Variants in RSPRY1 observed in about 807,000 individuals in gnomAD.
RSPRY1 encodes the protein RING finger and SPRY domain-containing protein 1.
RSPRY1 carries 23 observed loss-of-function variants against 73.1 expected under a neutral mutation model. That is an observed-to-expected ratio of 0.31 (90% CI 0.23 to 0.45). The LOEUF is 0.45. Ranked by LOEUF, RSPRY1 falls within the 20% of genes least tolerant of loss-of-function variation. The pLI is 1.00. For synonymous variants in RSPRY1, 226 were observed against 251.4 expected, an observed-to-expected ratio of 0.90 and a Z score of 0.95; for missense variants, 448 against 698.7, an observed-to-expected ratio of 0.64 and a Z score of 4.05.
intron 1 of RSPRY1, among the ~76,000 whole-genome samples, chr16:57,199,766 C>G (rs1346941267): frequency 6.6e-6 from 1 of 151,762 alleles, no homozygotes; most frequent in African/African-American, 2.4e-5. Context: ...AGAGCCAGAC[C>G]TGTCCAAAAA....
chr16:57,203,841 A>T (rs577281901), intron 1 of RSPRY1, among the ~76,000 whole-genome samples: 1 of 152,244 alleles, frequency 6.6e-6, no homozygotes, highest in Non-Finnish European at 1.5e-5. Flanking sequence ...TGAAAATACA[A>T]CTTTTGTGAT....
chr16:57,208,504 A>T (rs1393786758), intron 3 of RSPRY1, among the ~76,000 whole-genome samples: 2 of 149,392 alleles, frequency 1.3e-5, no homozygotes, highest in African/African-American at 4.9e-5. Flanking sequence ...GGCCCAGGTG[A>T]TCACCCCACC....
intron 1 of RSPRY1, among the ~76,000 whole-genome samples, chr16:57,187,290 C>T (rs2146118918): frequency 6.6e-6 from 1 of 152,272 alleles, no homozygotes; most frequent in South Asian, 2.1e-4. Flanking sequence ...ATTTGTCTCT[C>T]CTGCTGCCTC....
At chr16:57,205,085 A>G in intron 2 of RSPRY1, 77 bp downstream of exon 2, 2 of 1,105,882 alleles carry the variant, frequency 1.8e-6, no homozygotes, top group African/African-American at 3.1e-5. Flanking sequence ...GGACTCCTTC[A>G]GTTCCTTTAG....
At chr16:57,195,301 C>G (rs1267615033) in intron 1 of RSPRY1, among the ~76,000 whole-genome samples, 2 of 152,004 alleles carry the variant, frequency 1.3e-5, no homozygotes, top group Non-Finnish European at 2.9e-5. Flanking sequence ...CACCTGAGAT[C>G]AGGAGTTCAA....
intron 13 of RSPRY1, among the ~76,000 whole-genome samples, chr16:57,232,217 G>A (rs1210848762): frequency 6.6e-6 from 1 of 152,098 alleles, no homozygotes; most frequent in Non-Finnish European, 1.5e-5. Context: ...CCTAGCTCTT[G>A]TTTTGGCTCA....
chr16:57,204,992 C>T lies in RSPRY1; in HGVS notation c.334C>T (p.Arg112Trp). 3 of 1,613,144 alleles carry T rather than the reference C, an allele frequency of 1.9e-6. No homozygotes were observed. Among genetic ancestry groups the T allele is most frequent in the Non-Finnish European group, 2.5e-6 (3 of 1,179,314 alleles). The change falls in exon 2 of 15, where the codon CGG becomes TGG. Residue 112 changes from arginine (R) to tryptophan (W), a missense_variant. Transcript: ENST00000394420. ...GLVLDTLAVIRTLVDNDQEPP... is the reference protein window; with the variant it reads ...GLVLDTLAVIWTLVDNDQEPP... ...AGTGTTGGACACACTGGCAGTAATA[C>T]GGACTCTTGTAGATAAGTAAGTATC...
chr16:57,227,508 A>T, intron 11 of RSPRY1, 55 bp downstream of exon 11: 2 of 1,241,008 alleles, frequency 1.6e-6, no homozygotes, highest in Non-Finnish European at 2.4e-6. Flanking sequence ...TCTGGTTATT[A>T]TGAGGCATTT....
intron 1 of RSPRY1, among the ~76,000 whole-genome samples, chr16:57,187,549 C>G (rs1285182424): frequency 1.3e-5 from 2 of 152,150 alleles, no homozygotes; most frequent in African/African-American, 4.8e-5. Flanking sequence ...GTAAAATAAC[C>G]AGCGCAGTAT....
chr16:57,212,846 C>A, intron 4 of RSPRY1, 126 bp from the exon 5 acceptor site: 1 of 892,700 alleles, frequency 1.1e-6, no homozygotes, highest in Non-Finnish European at 1.7e-6. Context: ...AACTCTTGAC[C>A]TTGTGGTCCG....
chr16:57,222,161 G>C (rs544877889), intron 10 of RSPRY1, among the ~76,000 whole-genome samples: 2 of 151,718 alleles, frequency 1.3e-5, no homozygotes, highest in South Asian at 4.2e-4. Context: ...CTAAATAATA[G>C]CCCCCCCCTC....
intron 1 of RSPRY1, among the ~76,000 whole-genome samples, chr16:57,200,252 CAGA>C (rs2074544689): frequency 6.7e-6 from 1 of 149,728 alleles, no homozygotes; most frequent in Non-Finnish European, 1.5e-5. Flanking sequence ...GATCCCAAGG[CAGA>C]AGAATTTTTC....
intron 14 of RSPRY1, among the ~76,000 whole-genome samples, chr16:57,236,994 G>A (rs924691984): frequency 2.4e-4 from 36 of 152,014 alleles, no homozygotes; most frequent in Admixed American, 6.5e-4. Context: ...GTGAAACCCC[G>A]TCTCTACTAC....
intron 4 of RSPRY1, 33 bp downstream of exon 4, chr16:57,209,220 A>C: frequency 7.3e-7 from 1 of 1,374,234 alleles, no homozygotes; most frequent in Non-Finnish European, 1.0e-6. Flanking sequence ...TGAAACTATC[A>C]TTTGTGCTTA....
In RSPRY1 at chr16:57,221,491, A is replaced by G. The variant is rs559137802; in HGVS notation, c.1161+76A>G. ...TCCCCCTAGTTGGTGGGTGGAAAAT[A>G]CTTATTTTTCAAATAGATTTGCTCA... On this transcript the variant is annotated intron_variant, in intron 10 of 14. Coordinates refer to ENST00000394420, the MANE Select transcript of RSPRY1 (RefSeq NM_133368.3). 44 of 1,428,392 alleles carry G rather than the reference A, an allele frequency of 3.1e-5. 1 individual carries two copies. The South Asian group carries it at 5.1e-4, about 17-fold the overall frequency. 88.5% of individuals were successfully genotyped at this position (1,428,392 alleles called of 1,614,324 possible).
intron 2 of RSPRY1, chr16:57,207,470 A>T (rs1292676794): frequency 2.7e-6 from 1 of 364,702 alleles, no homozygotes; most frequent in Non-Finnish European, 5.5e-6. Flanking sequence ...GGATCACACC[A>T]CTGAATTAAG....
At chr16:57,228,452 TA>T (rs1180406788) in intron 11 of RSPRY1, among the ~76,000 whole-genome samples, 1 of 151,962 alleles carries the variant, frequency 6.6e-6, no homozygotes, top group Non-Finnish European at 1.5e-5. Flanking sequence ...GAGCATATGA[TA>T]AAGGCCCTGT....
Position 57,201,039 on chromosome 16 carries a change from C to A in RSPRY1, c.-155-3465C>A, listed in dbSNP as rs868242896. 1.7e-4 allele frequency among the ~76,000 whole-genome samples: 25 copies of A among 143,280 alleles called. No homozygotes were observed. In the South Asian group the frequency reaches 5.7e-3, roughly 33 times the overall value. 94.0% of individuals were successfully genotyped at this position (143,280 alleles called of 152,430 possible). A position where few individuals can be genotyped will look rare whatever the true frequency, so the allele number is the denominator to read the frequency against. ...CCCCCCCACCTCCCTCCCGGATGGG[C>A]GGCTGGCCGGGCGGGGGGCTGACCC... On this transcript the variant is annotated intron_variant, in intron 1 of 14. Coordinates refer to ENST00000394420, the MANE Select transcript of RSPRY1 (RefSeq NM_133368.3).
intron 1 of RSPRY1, among the ~76,000 whole-genome samples, chr16:57,202,245 G>C (rs2074632291): frequency 6.6e-6 from 1 of 151,912 alleles, no homozygotes; most frequent in Non-Finnish European, 1.5e-5. Context: ...GTGGGTGGCG[G>C]GGGTCCTTGT....
Sources: allele counts gnomAD v4.1 joint callset (sites outside exome capture counted in the v4.1 genomes callset), GRCh38; gene constraint gnomAD v4.1.1; transcripts MANE v1.5; gene names NCBI Gene and HGNC (gene_info 2026-07-23, HGNC 2026-07-21).